The following AP3B2 variants were observed in gnomAD, a reference collection of about 807,000 sequenced individuals.
The protein encoded by AP3B2 is adaptor related protein complex 3 subunit beta 2, also known as AP-3 complex subunit beta-2.
A neutral mutation model predicts 126.9 loss-of-function variants in AP3B2; 50 were observed. The ratio of observed to expected loss-of-function variants is 0.39; its 90% CI spans 0.31 to 0.50. The LOEUF is 0.50. AP3B2 is among the 20% of genes least tolerant of loss of function. The pLI is 0.79. For synonymous variants in AP3B2, 541 were observed against 565.0 expected (o/e 0.96, Z 0.60); for missense variants, 1,177 against 1,426.4 (o/e 0.83, Z 2.82).
intron 4 of AP3B2, chr15:82,688,419 G>C: frequency 1.4e-6 from 1 of 702,262 alleles, no homozygotes; most frequent in Non-Finnish European, 2.6e-6. Context: ...TGAGGGTTGA[G>C]GGGTTCTCCA....
At chr15:82,662,946 A>C in intron 22 of AP3B2, 24 bp from the exon 23 acceptor site, 1 of 1,602,120 alleles carries the variant, frequency 6.2e-7, no homozygotes, top group South Asian at 1.1e-5. Context: ...GTAGGGAAGG[A>C]CAGAACTGAG....
intron 1 of AP3B2, chr15:82,691,923 C>A (rs1011384888): frequency 2.3e-6 from 3 of 1,332,618 alleles, no homozygotes; most frequent in South Asian, 1.2e-5. Context: ...TCCATGTCTT[C>A]TTTTCTGAGA....
intron 1 of AP3B2, among the ~76,000 whole-genome samples, chr15:82,693,000 G>A (rs1264798903): frequency 6.6e-6 from 1 of 151,412 alleles, no homozygotes; most frequent in Non-Finnish European, 1.5e-5. Context: ...GAACTCCAAA[G>A]AATATTTTTG....
At position 82,677,673 on chromosome 15, in the gene AP3B2, T is replaced by C. The variant is rs763247022; in HGVS notation, c.1376A>G (p.Asp459Gly). The change falls in exon 12 of 27, where the codon GAT becomes GGT. Residue 459 changes from aspartate to glycine, a missense_variant and splice_region_variant. Asp to Gly is a moderately conservative substitution (Grantham distance 94). This residue lies in a region of AP3B2 where 308 missense variants were observed against 452.4 expected (regional missense o/e 0.68). Coordinates refer to ENST00000535359, the MANE Select transcript of AP3B2 (RefSeq NM_001278512.2). ...NGLVQLLSNR[D>G]ELVVAESVVV... ...TAGACACTCAGGGAAACACTGACCATCACGGTTGGACAGCAGCTGCACCAG... is the reference window on the plus strand; with the variant it reads ...TAGACACTCAGGGAAACACTGACCACCACGGTTGGACAGCAGCTGCACCAG... 19 of 1,545,272 alleles carry C rather than the reference T, an allele frequency of 1.2e-5. No individual in the cohort carries two copies. Among genetic ancestry groups the C allele is most frequent in the Non-Finnish European group, 1.7e-5 (19 of 1,145,062 alleles).
chr15:82,667,581 A>G (rs947166310), intron 14 of AP3B2, among the ~76,000 whole-genome samples: 4 of 152,164 alleles, frequency 2.6e-5, no homozygotes, highest in Non-Finnish European at 4.4e-5. Context: ...CAGACCTAAA[A>G]TATCTCCATT....
In AP3B2 at chr15:82,659,713, G is replaced by A. The variant is rs745823231; in HGVS notation, c.3156-3C>T. 6.2e-7 allele frequency: 1 copy of A among 1,613,800 alleles called. No individual in the cohort carries two copies. Among genetic ancestry groups the A allele is most frequent in the South Asian group, 1.1e-5 (1 of 91,066 alleles). ...CAGTCAGTGTCCTCCCTGCAAACCT[G>A]AGGTGGGAATAGAAGGGGTGAGGAA... On this transcript the variant is annotated splice_polypyrimidine_tract_variant and splice_region_variant and intron_variant, in intron 26 of 26. Coordinates refer to ENST00000535359, the MANE Select transcript of AP3B2 (RefSeq NM_001278512.2).
At chr15:82,660,044 G>C (rs1220465498) in intron 25 of AP3B2, 61 bp from the exon 26 acceptor site, 8 of 1,571,976 alleles carry the variant, frequency 5.1e-6, no homozygotes, top group Non-Finnish European at 6.1e-6. Context: ...CAGCACCTGG[G>C]TCTGCTTACT....
Position 82,662,174 on chromosome 15 carries a change from T to G in AP3B2, c.2912A>C (p.Gln971Pro). 1 of 1,599,812 alleles carries G rather than the reference T, an allele frequency of 6.3e-7. No homozygotes were observed. The highest frequency in any genetic ancestry group is 8.5e-7 in the Non-Finnish European group (1 of 1,172,852). ...CCTCGAGTTGGGCACATACCACAGC[T>G]GGAAGTTGGCTGCCTGGGTTGAGTC... ...FCDSTQAANF[Q>P]LCTQTRQFYV... is the part of the protein sequence containing the mutation. Residue 971 changes from glutamine to proline, a missense_variant, in exon 24 of 27, where the codon CAG (glutamine) becomes CCG (proline). Coordinates refer to ENST00000535359, the MANE Select transcript of AP3B2 (RefSeq NM_001278512.2).
chr15:82,700,378 G>A (rs2048698845), intron 1 of AP3B2, among the ~76,000 whole-genome samples: 1 of 106,602 alleles, frequency 9.4e-6, no homozygotes, highest in South Asian at 3.5e-4. Context: ...AATGCCACTG[G>A]CCTGCCAGTG....
At chr15:82,689,299 G>C (rs2048483743) in intron 2 of AP3B2, 67 bp from the exon 3 acceptor site, 3 of 1,611,322 alleles carry the variant, frequency 1.9e-6, no homozygotes, top group South Asian at 2.2e-5. Flanking sequence ...CTAGAGGGAA[G>C]GTCTACAAGG....
chr15:82,665,610 C>T lies in AP3B2; in HGVS notation c.1853-35G>A. 1 of 1,538,288 alleles carries T rather than the reference C, an allele frequency of 6.5e-7. No homozygotes were observed. On this transcript the variant is annotated intron_variant, in intron 15 of 26. Transcript: ENST00000535359. This position sits in a 1 kb window ranked among gnomAD's most constrained non-coding sequence, Gnocchi z 4.4. Reference sequence around the variant, plus strand: ...GGTTTAGAGGTCAGGCAGGTAGCAGCAGTGAGGGAAAGCTCTGGGAGCTGT... The same window carrying T: ...GGTTTAGAGGTCAGGCAGGTAGCAGTAGTGAGGGAAAGCTCTGGGAGCTGT...
chr15:82,678,517 C>T (rs1393391184), intron 10 of AP3B2, among the ~76,000 whole-genome samples: 1 of 152,148 alleles, frequency 6.6e-6, no homozygotes, highest in Non-Finnish European at 1.5e-5. Context: ...CATCTCCCAT[C>T]ACTGTCCCCC....
Position 82,662,873 on chromosome 15 carries a change from A to G in AP3B2, c.2654T>C (p.Val885Ala), listed in dbSNP as rs1339640009. The change falls in exon 23 of 27, where the codon GTA becomes GCA. Residue 885 changes from valine to alanine, a missense_variant. Physicochemically the swap from Val to Ala is moderately conservative, Grantham distance 64. This residue lies in a region of AP3B2 where 587 missense variants were observed against 571.3 expected (regional missense o/e 1.03). Coordinates refer to ENST00000535359, the MANE Select transcript of AP3B2 (RefSeq NM_001278512.2). ...GVGRQELLHR[V>A]AGEGLAVDYT... ...GTCCACAGCCAGCCCCTCGCCAGCTACCCGGTGCAGCAGCTCCTGCCGCCC... is the reference window on the plus strand; with the variant it reads ...GTCCACAGCCAGCCCCTCGCCAGCTGCCCGGTGCAGCAGCTCCTGCCGCCC... 1.9e-6 allele frequency: 3 copies of G among 1,613,424 alleles called. No individual in the cohort carries two copies. Among genetic ancestry groups the G allele is most frequent in the Middle Eastern group, 1.6e-4 (1 of 6,076 alleles).
chr15:82,680,291 A>C lies in AP3B2; in HGVS notation c.1056-62T>G. ...CGGTTGGGGCAAGGGTCAGCGGATG[A>C]GGGGAAAAGGTGGGGCAAGTCGTTG... On this transcript the variant is annotated intron_variant, in intron 8 of 26. Coordinates refer to ENST00000535359, the MANE Select transcript of AP3B2 (RefSeq NM_001278512.2). The surrounding 1 kb of genome is among the most constrained non-coding windows in gnomAD (Gnocchi z 6.1). 6.2e-7 allele frequency: 1 copy of C among 1,608,330 alleles called. No individual in the cohort carries two copies.
At chr15:82,688,096 C>T in intron 4 of AP3B2, 1 of 221,456 alleles carries the variant, frequency 4.5e-6, no homozygotes, top group Non-Finnish European at 9.0e-6. Flanking sequence ...ACAGTGAGAA[C>T]CTGTCTCATA....
Position 82,665,589 on chromosome 15 carries a change from T to C in AP3B2, c.1853-14A>G. On this transcript the variant is annotated splice_polypyrimidine_tract_variant and intron_variant, in intron 15 of 26. Transcript: ENST00000535359. This position sits in a 1 kb window ranked among gnomAD's most constrained non-coding sequence, Gnocchi z 4.4. ...AGTGGTCCCGGTCTAGGGATAGGTT[T>C]AGAGGTCAGGCAGGTAGCAGCAGTG... The C allele has an allele frequency of 6.3e-7, 1 of 1,597,014 alleles. No homozygotes were observed. The highest frequency in any genetic ancestry group is 8.6e-7 in the Non-Finnish European group (1 of 1,165,316).
At chr15:82,691,646 C>T in intron 1 of AP3B2, 4 of 1,109,776 alleles carry the variant, frequency 3.6e-6, no homozygotes, top group Non-Finnish European at 4.8e-6. Context: ...GCTAAATCCT[C>T]AATCTGGAAT....
intron 1 of AP3B2, among the ~76,000 whole-genome samples, chr15:82,703,738 T>C (rs942545135): frequency 6.6e-6 from 1 of 151,834 alleles, no homozygotes; most frequent in Non-Finnish European, 1.5e-5. Context: ...CCCTAGTCTC[T>C]GTTCCCAATG....
At chr15:82,704,322 A>G (rs772665672) in intron 1 of AP3B2, among the ~76,000 whole-genome samples, 5 of 152,220 alleles carry the variant, frequency 3.3e-5, no homozygotes, top group African/African-American at 9.6e-5. Flanking sequence ...CTCAAACCCC[A>G]TAACAGGACT....
Sources: gnomAD v4.1 joint callset for allele counts (sites outside exome capture counted in the v4.1 genomes callset) on GRCh38, gnomAD v4.1.1 for gene constraint, gnomAD v4.1.1 regional missense constraint, Gnocchi (gnomAD v3.1) non-coding constraint, MANE v1.5 for transcripts, NCBI Gene and HGNC (gene_info 2026-07-23, HGNC 2026-07-21) for gene names.